The following RIPK4 variants were observed in gnomAD, a reference collection of about 807,000 sequenced individuals.
RIPK4 encodes the protein receptor-interacting serine/threonine-protein kinase 4.
A neutral mutation model predicts 42.9 loss-of-function variants in RIPK4; 17 were observed. The observed-to-expected ratio is 0.40, with a 90% CI of 0.27 to 0.59. The LOEUF is 0.59. Among genes scored for constraint, RIPK4 ranks in the 20% least tolerant of loss-of-function variants. The pLI is 0.47. For synonymous variants in RIPK4, 498 were observed against 499.1 expected (o/e 1.00, Z 0.03); for missense variants, 897 against 1,104.4 (o/e 0.81, Z 2.66).
chr21:41,751,369 G>T lies in RIPK4; in HGVS notation c.475-124C>A. Reference sequence around the variant, plus strand: ...GAGAGCTTTCCAGGAGCCCCTAAGAGCCGTGTCTGTGCCTCTCCAGGTAGC... The same window carrying T: ...GAGAGCTTTCCAGGAGCCCCTAAGATCCGTGTCTGTGCCTCTCCAGGTAGC... On this transcript the variant is annotated intron_variant, in intron 2 of 7. Transcript: ENST00000332512. The surrounding 1 kb of genome is among the most constrained non-coding windows in gnomAD (Gnocchi z 4.5). 1.5e-6 allele frequency: 2 copies of T among 1,310,784 alleles called. No individual in the cohort carries two copies. Among genetic ancestry groups the T allele is most frequent in the Non-Finnish European group, 2.1e-6 (2 of 965,638 alleles). The allele number at this position is 1,310,784 out of a possible 1,614,324, so 81.2% of individuals were successfully genotyped here.
Position 41,740,661 on chromosome 21 carries a change from C to A in RIPK4, c.*177G>T, listed in dbSNP as rs2061149673. The A allele has an allele frequency of 3.1e-6, 2 of 638,488 alleles. No individual in the cohort carries two copies. Among genetic ancestry groups the A allele is most frequent in the African/African-American group, 1.8e-5 (1 of 54,282 alleles). 39.6% of individuals were successfully genotyped at this position (638,488 alleles called of 1,614,324 possible). A position where few individuals can be genotyped will look rare whatever the true frequency, so the allele number is the denominator to read the frequency against. The stretch of plus-strand genomic sequence containing the variant: ...GGCATGTGCACCTGAGCCAGCTTCA[C>A]CTGGAGGGGACACTCCGGTCAGCAG... On this transcript the variant is annotated 3_prime_UTR_variant, in exon 8 of 8. Coordinates refer to ENST00000332512, the MANE Select transcript of RIPK4 (RefSeq NM_020639.3).
chr21:41,749,162 G>A lies in RIPK4; in HGVS notation c.665C>T (p.Pro222Leu). 6.2e-6 allele frequency: 10 copies of A among 1,613,686 alleles called. No individual in the cohort carries two copies. The highest frequency in any genetic ancestry group is 1.1e-5 in the South Asian group (1 of 91,038). ...VIWGVLTQKK[P>L]FADEKNILHI... is the part of the protein sequence containing the mutation. ...AAGACAGGTCCACTCACCTGCAAACGGCTTCTTCTGTGTGAGCACGCCCCA... is the reference window on the plus strand; with the variant it reads ...AAGACAGGTCCACTCACCTGCAAACAGCTTCTTCTGTGTGAGCACGCCCCA... Residue 222 changes from proline (P) to leucine (L), a missense_variant, in exon 4 of 8, where the codon CCG (proline) becomes CTG (leucine). By Grantham distance (98) the Pro-to-Leu change is moderately conservative (BLOSUM62 -3). Transcript: ENST00000332512.
chr21:41,746,590 C>T (rs767637884), intron 5 of RIPK4, 23 bp downstream of exon 5: 44 of 1,599,092 alleles, frequency 2.8e-5, no homozygotes, highest in Middle Eastern at 1.9e-4. Flanking sequence ...CAGAATGTGG[C>T]GGGGAGACCC....
At chr21:41,759,096 T>C (rs993389223) in intron 1 of RIPK4, among the ~76,000 whole-genome samples, 13 of 152,066 alleles carry the variant, frequency 8.5e-5, no homozygotes, top group African/African-American at 3.1e-4. Flanking sequence ...AAATCTGTTT[T>C]TTTGTTTGTT....
chr21:41,745,893 G>A (rs368349532), intron 5 of RIPK4, 31 bp from the exon 6 acceptor site: 39 of 1,527,184 alleles, frequency 2.6e-5, no homozygotes, highest in Non-Finnish European at 3.0e-5. Flanking sequence ...CATGTCACTC[G>A]GATGATGACT....
In RIPK4 at chr21:41,739,829, C is replaced by G. The variant is rs867825630; in HGVS notation, c.*1009G>C. 1 of 152,294 alleles carries G rather than the reference C, an allele frequency of 6.6e-6. No homozygotes were observed. The highest frequency in any genetic ancestry group is 6.5e-5 in the Admixed American group (1 of 15,290). 9.4% of individuals were successfully genotyped at this position (152,294 alleles called of 1,614,324 possible). On this transcript the variant is annotated 3_prime_UTR_variant, in exon 8 of 8. Coordinates refer to ENST00000332512, the MANE Select transcript of RIPK4 (RefSeq NM_020639.3). ...AAACACTATCCCTATCCCAAATCAC[C>G]TAACAAAAATGAGAGCTGGGAAGGG...
At chr21:41,746,272 C>T (rs920312656) in intron 5 of RIPK4, 6 of 574,390 alleles carry the variant, frequency 1.0e-5, no homozygotes, top group South Asian at 1.9e-5. Flanking sequence ...AAGAGAAGGG[C>T]GACGCCGCCG....
intron 3 of RIPK4, among the ~76,000 whole-genome samples, chr21:41,750,720 C>T (rs1315762517): frequency 1.3e-5 from 2 of 152,176 alleles, no homozygotes; most frequent in African/African-American, 2.4e-5. Context: ...CGCTCTGTTG[C>T]CCAGGCTGGA....
Position 41,744,108 on chromosome 21 carries a change from G to T in RIPK4, c.969C>A (p.Ala323=), listed in dbSNP as rs1395527226. 2 of 1,604,538 alleles carry T rather than the reference G, an allele frequency of 1.2e-6. No homozygotes were observed. Among genetic ancestry groups the T allele is most frequent in the Non-Finnish European group, 8.5e-7 (1 of 1,174,756 alleles). The change falls in exon 7 of 8, where the codon GCC becomes GCA. Residue 323 remains alanine, a synonymous_variant. Transcript: ENST00000332512. ...VVPARLKRAS[A]PTFDNDYSLS... ...GGCTGTAGTCGTTATCGAAGGTGGG[G>T]GCAGAGGCCCGCTTGAGCCTCGCAG... is the stretch of plus-strand genomic sequence containing the variant.
chr21:41,753,419 A>G (rs1179955862), intron 2 of RIPK4, among the ~76,000 whole-genome samples: 1 of 152,178 alleles, frequency 6.6e-6, no homozygotes, highest in African/African-American at 2.4e-5. Context: ...ACGAGCAGAA[A>G]TTCTCTGTAA....
intron 2 of RIPK4, among the ~76,000 whole-genome samples, chr21:41,754,323 C>T (rs1167720954): frequency 2.0e-5 from 3 of 152,162 alleles, no homozygotes; most frequent in Non-Finnish European, 4.4e-5. Flanking sequence ...AAGTATGTCA[C>T]GTAAAGGTAT....
rs147274896 is a variant in RIPK4, at chr21:41,744,865, C to T, written c.937-725G>A. 1.2e-3 allele frequency among the ~76,000 whole-genome samples: 188 copies of T among 152,324 alleles called. 1 individual carries two copies. In the Middle Eastern group the frequency reaches 0.027, roughly 22 times the overall value. On this transcript the variant is annotated intron_variant, in intron 6 of 7. Coordinates refer to ENST00000332512, the MANE Select transcript of RIPK4 (RefSeq NM_020639.3). ...CCAATCCGACATACACCGATGGGGC[C>T]TTTTAAAGAGTCTCGCTTCATGGAC...
chr21:41,761,860 G>A (rs1468073052), intron 1 of RIPK4, among the ~76,000 whole-genome samples: 1 of 152,166 alleles, frequency 6.6e-6, no homozygotes, highest in East Asian at 1.9e-4. Context: ...ATTGCAGAGT[G>A]AGCTCATTGG....
At chr21:41,753,447 T>C (rs2061194347) in intron 2 of RIPK4, among the ~76,000 whole-genome samples, 1 of 152,146 alleles carries the variant, frequency 6.6e-6, no homozygotes, top group Non-Finnish European at 1.5e-5. Context: ...GGCAACAAAA[T>C]GCAAGCTCGG....
At position 41,743,871 on chromosome 21, in the gene RIPK4, T is replaced by G; in HGVS notation, c.1195+11A>C. 2 of 1,581,810 alleles carry G rather than the reference T, an allele frequency of 1.3e-6. No individual in the cohort carries two copies. Among genetic ancestry groups the G allele is most frequent in the Admixed American group, 1.8e-5 (1 of 56,750 alleles). The stretch of plus-strand genomic sequence containing the variant: ...CAGCATCTCTCGGGACACAGAGGCG[T>G]CCCCACTCACCGCTGGTTGAAGGTT... On this transcript the variant is annotated intron_variant, in intron 7 of 7. Transcript: ENST00000332512.
chr21:41,751,309 T>C lies in RIPK4; in HGVS notation c.475-64A>G, dbSNP rs926781900. 74 of 1,588,832 alleles carry C rather than the reference T, an allele frequency of 4.7e-5. No homozygotes were observed. The highest frequency in any genetic ancestry group is 6.1e-5 in the Non-Finnish European group (71 of 1,164,300). The stretch of plus-strand genomic sequence containing the variant: ...AACAGTGATATTTTATGATGCTTTA[T>C]CAAAAGCTCCCTTCTGCAATCTCAG... On this transcript the variant is annotated intron_variant, in intron 2 of 7. Coordinates refer to ENST00000332512, the MANE Select transcript of RIPK4 (RefSeq NM_020639.3). This position sits in a 1 kb window ranked among gnomAD's most constrained non-coding sequence, Gnocchi z 4.5.
chr21:41,744,117 C>T lies in RIPK4; in HGVS notation c.960G>A (p.Arg320=). 6.3e-7 allele frequency: 1 copy of T among 1,598,846 alleles called. No individual in the cohort carries two copies. The highest frequency in any genetic ancestry group is 2.2e-5 in the East Asian group (1 of 44,506). The change falls in exon 7 of 8, where the codon CGG becomes CGA. Residue 320 remains arginine (R), a synonymous_variant. Coordinates refer to ENST00000332512, the MANE Select transcript of RIPK4 (RefSeq NM_020639.3). ...RSEVVPARLK[R]ASAPTFDNDY... ...CGTTATCGAAGGTGGGGGCAGAGGC[C>T]CGCTTGAGCCTCGCAGGCACCACCT... is the stretch of plus-strand genomic sequence containing the variant.
At chr21:41,759,982 C>T (rs1209549322) in intron 1 of RIPK4, among the ~76,000 whole-genome samples, 1 of 152,200 alleles carries the variant, frequency 6.6e-6, no homozygotes, top group Admixed American at 6.5e-5. Flanking sequence ...ACATAGCCCA[C>T]TGGTTCTCAA....
At chr21:41,753,662 C>T (rs1601680803) in intron 2 of RIPK4, among the ~76,000 whole-genome samples, 1 of 152,160 alleles carries the variant, frequency 6.6e-6, no homozygotes, top group Admixed American at 6.5e-5. Flanking sequence ...CATCAGCACC[C>T]GACTCTGCAT....
Sources: gnomAD v4.1 joint callset for allele counts (sites outside exome capture counted in the v4.1 genomes callset) on GRCh38, gnomAD v4.1.1 for gene constraint, Gnocchi (gnomAD v3.1) non-coding constraint, MANE v1.5 for transcripts, NCBI Gene and HGNC (gene_info 2026-07-23, HGNC 2026-07-21) for gene names.